Variants in ZNF236 observed in about 807,000 individuals in gnomAD.
ZNF236 encodes zinc finger protein 236, also known as regulated by glucose.
Under a neutral mutation model 191.2 loss-of-function variants are expected in ZNF236, and 50 were observed. That is an observed-to-expected ratio of 0.26 (90% CI 0.21 to 0.33). ZNF236 has a LOEUF of 0.33. Ranked by LOEUF, ZNF236 falls within the 10% of genes least tolerant of loss-of-function variation. The probability of loss-of-function intolerance (pLI) is 1.00; values close to 1 mark genes in which losing one functional copy is unlikely to be tolerated. For missense variants in ZNF236, 1,754 were observed against 2,374.5 expected, an observed-to-expected ratio of 0.74 and a Z score of 5.43; for synonymous variants, 907 against 928.8, an observed-to-expected ratio of 0.98 and a Z score of 0.43.
chr18:76,926,323 T>C (rs1967675789), intron 22 of ZNF236, among the ~76,000 whole-genome samples: 1 of 152,148 alleles, frequency 6.6e-6, no homozygotes, highest in South Asian at 2.1e-4. Flanking sequence ...GTGTATATGG[T>C]ATAAATGAGA....
rs748376766 is a variant in ZNF236 at position 76,880,113 on chromosome 18, G to C, written c.985G>C (p.Ala329Pro). The change falls in exon 8 of 31, where the codon GCC becomes CCC. Residue 329 changes from alanine (A) to proline (P), a missense_variant and splice_region_variant. Physicochemically the swap from Ala to Pro is conservative, Grantham distance 27 (BLOSUM62 -1). Coordinates refer to ENST00000320610, the MANE Select transcript of ZNF236 (RefSeq NM_001306089.2). The surrounding 1 kb of genome is among the most constrained non-coding windows in gnomAD (Gnocchi z 5.0). Reference sequence around the variant, plus strand: ...TAATGAAAATGTTTCTGTGTTTCAGGCCACACTTTTTCAGACGTTACCTCT... The same window carrying C: ...TAATGAAAATGTTTCTGTGTTTCAGCCCACACTTTTTCAGACGTTACCTCT... The part of the protein sequence containing the change: ...SSTETAHVLT[A>P]TLFQTLPLQQ... 6.2e-7 allele frequency: 1 copy of C among 1,607,056 alleles called. No individual in the cohort carries two copies. The highest frequency in any genetic ancestry group is 1.3e-5 in the African/African-American group (1 of 74,406).
intron 1 of ZNF236, chr18:76,849,214 G>A (rs538936996): frequency 7.5e-5 from 18 of 240,542 alleles, no homozygotes; most frequent in South Asian, 6.6e-4. Context: ...GGTTTAAGAA[G>A]CATCATTATG....
chr18:76,853,370 C>T (rs1160878117), intron 3 of ZNF236, among the ~76,000 whole-genome samples: 5 of 152,164 alleles, frequency 3.3e-5, no homozygotes, highest in African/African-American at 9.6e-5. Flanking sequence ...TGAGCCACCG[C>T]GCCTGGCCTG....
intron 10 of ZNF236, among the ~76,000 whole-genome samples, chr18:76,896,438 C>G (rs1372061688): frequency 1.3e-5 from 2 of 150,446 alleles, no homozygotes; most frequent in African/African-American, 4.9e-5. Context: ...AAACACAATA[C>G]TAAATACAGG....
At chr18:76,956,308 A>G in intron 28 of ZNF236, 126 bp downstream of exon 28, 1 of 1,088,212 alleles carries the variant, frequency 9.2e-7, no homozygotes, top group Non-Finnish European at 1.3e-6. Flanking sequence ...TTTGAGGAAA[A>G]GGTCACTAGA....
intron 1 of ZNF236, among the ~76,000 whole-genome samples, chr18:76,847,767 C>CAA (rs1975739359): frequency 6.6e-6 from 1 of 152,202 alleles, no homozygotes; most frequent in Non-Finnish European, 1.5e-5. Context: ...TGAGCCCCTC[C>CAA]GCCCGGCCCC....
rs185558288 is a variant in ZNF236, at chr18:76,829,655, A to C, written c.55+6993A>C. Reference sequence around the variant, plus strand: ...TTATGATTGCTAAGAGAAGCCAGAAATGTGTATATTTATTTGAAACCTCTT... The same window carrying C: ...TTATGATTGCTAAGAGAAGCCAGAACTGTGTATATTTATTTGAAACCTCTT... On this transcript the variant is annotated intron_variant, in intron 1 of 30. Coordinates refer to ENST00000320610, the MANE Select transcript of ZNF236 (RefSeq NM_001306089.2). Among the ~76,000 whole-genome samples, 3 of 152,238 alleles carry C rather than the reference A, an allele frequency of 2.0e-5. No homozygotes were observed. In the East Asian group the frequency reaches 5.8e-4, roughly 29 times the overall value.
rs9807284 is a variant in ZNF236, at chr18:76,910,591, C to A, written c.2654-69C>A. The A allele has an allele frequency of 9.9e-3, 14,662 of 1,478,788 alleles. 541 individuals are homozygous for A. The African/African-American group carries it at 0.12, about 12-fold the overall frequency. 91.6% of individuals were successfully genotyped at this position (1,478,788 alleles called of 1,614,324 possible). A position where few individuals can be genotyped will look rare whatever the true frequency, so the allele number is the denominator to read the frequency against. ...CCTTTAGACATTTTAAATTTATAAA[C>A]CTTTTCTTAGAACATTTTAATGTAA... On this transcript the variant is annotated intron_variant, in intron 15 of 30. Transcript: ENST00000320610.
rs145841121 is a variant in ZNF236, at chr18:76,862,646, G to A, written c.364-6039G>A. Among the ~76,000 whole-genome samples, 766 of 152,244 alleles carry A rather than the reference G, an allele frequency of 5.0e-3. 2 individuals are homozygous for A. Among genetic ancestry groups the A allele is most frequent in the Middle Eastern group, 0.027 (8 of 294 alleles). On this transcript the variant is annotated intron_variant, in intron 3 of 30. Coordinates refer to ENST00000320610, the MANE Select transcript of ZNF236 (RefSeq NM_001306089.2). ...GTCAGTGGGTCCACTAGGGAGTTGGGCCTCCCTCCCCATCAGTGATGAGAC... is the reference window on the plus strand; with the variant it reads ...GTCAGTGGGTCCACTAGGGAGTTGGACCTCCCTCCCCATCAGTGATGAGAC...
chr18:76,826,225 C>T (rs1975014835), intron 1 of ZNF236, among the ~76,000 whole-genome samples: 1 of 151,786 alleles, frequency 6.6e-6, no homozygotes, highest in African/African-American at 2.4e-5. Context: ...AATTCTCCTG[C>T]CTCAGCCTCC....
At chr18:76,909,035 A>T (rs1469884739) in intron 14 of ZNF236, among the ~76,000 whole-genome samples, 9 of 151,306 alleles carry the variant, frequency 5.9e-5, no homozygotes, top group Non-Finnish European at 2.9e-5. Context: ...TATACAAATA[A>T]GGCTGGGTGT....
At chr18:76,835,932 A>C (rs1975311978) in intron 1 of ZNF236, among the ~76,000 whole-genome samples, 1 of 151,494 alleles carries the variant, frequency 6.6e-6, no homozygotes, top group South Asian at 2.1e-4. Flanking sequence ...TTTTGAGATT[A>C]AGTCTTGCTC....
chr18:76,825,350 TA>T (rs1232288823), intron 1 of ZNF236, among the ~76,000 whole-genome samples: 3 of 152,204 alleles, frequency 2.0e-5, no homozygotes, highest in African/African-American at 7.2e-5. Context: ...GTAAATATCA[TA>T]GACTAAGACT....
chr18:76,919,833 G>C lies in ZNF236; in HGVS notation c.3332G>C (p.Arg1111Pro). ...GACAGAAATGCATCACGGAAGTCTC[G>C]TCCTGAGGTCATCACTTTCACGGAG... ...HSDRNASRKS[R>P]PEVITFTEEE... is the part of the protein sequence containing the mutation. The change falls in exon 20 of 31, where the codon CGT (arginine) becomes CCT (proline). Residue 1111 changes from arginine to proline, a missense_variant. Coordinates refer to ENST00000320610, the MANE Select transcript of ZNF236 (RefSeq NM_001306089.2). This position sits in a 1 kb window ranked among gnomAD's most constrained non-coding sequence, Gnocchi z 5.3. The C allele has an allele frequency of 6.2e-7, 1 of 1,614,206 alleles. No homozygotes were observed. The highest frequency in any genetic ancestry group is 8.5e-7 in the Non-Finnish European group (1 of 1,180,036).
At position 76,927,065 on chromosome 18, in the gene ZNF236, A is replaced by G. The variant is rs759038075; in HGVS notation, c.4056A>G (p.Thr1352=). The G allele has an allele frequency of 2.2e-5, 36 of 1,613,692 alleles. No individual in the cohort carries two copies. Among genetic ancestry groups the G allele is most frequent in the Non-Finnish European group, 2.8e-5 (33 of 1,179,654 alleles). ...GGGGTGACCTGACCGTGTCTCTGACAGATGGGAGCCTGGCTACCCTAGAAG... is the reference window on the plus strand; with the variant it reads ...GGGGTGACCTGACCGTGTCTCTGACGGATGGGAGCCTGGCTACCCTAGAAG... The part of the protein sequence containing the change: ...SAGGDLTVSL[T]DGSLATLEGI... The change falls in exon 23 of 31, where the codon ACA becomes ACG. Residue 1352 remains threonine, a synonymous_variant. Transcript: ENST00000320610. The surrounding 1 kb of genome is among the most constrained non-coding windows in gnomAD (Gnocchi z 5.4).
At chr18:76,888,059 A>G (rs1271274930) in intron 9 of ZNF236, 12 of 73,292 alleles carry the variant, frequency 1.6e-4, no homozygotes, top group East Asian at 5.8e-4. Flanking sequence ...GAGTGTTCAG[A>G]AAAAAAAAAA....
At chr18:76,896,311 G>A (rs1007929568) in intron 10 of ZNF236, among the ~76,000 whole-genome samples, 3 of 150,656 alleles carry the variant, frequency 2.0e-5, no homozygotes, top group Non-Finnish European at 4.4e-5. Context: ...CTGCCGTGCT[G>A]CACACACACA....
chr18:76,869,161 C>G (rs898819238), intron 4 of ZNF236, among the ~76,000 whole-genome samples: 3 of 152,206 alleles, frequency 2.0e-5, no homozygotes, highest in African/African-American at 7.2e-5. Context: ...ACTAGACTCA[C>G]AAGGGTTTAA....
At chr18:76,851,007 T>C (rs1975846737) in intron 2 of ZNF236, among the ~76,000 whole-genome samples, 1 of 150,290 alleles carries the variant, frequency 6.7e-6, no homozygotes, top group African/African-American at 2.4e-5. Flanking sequence ...TCCAATGAAT[T>C]TATACGCAGC....
Sources: gnomAD v4.1 joint callset for allele counts (sites outside exome capture counted in the v4.1 genomes callset) on GRCh38, gnomAD v4.1.1 for gene constraint, Gnocchi (gnomAD v3.1) non-coding constraint, MANE v1.5 for transcripts, NCBI Gene and HGNC (gene_info 2026-07-23, HGNC 2026-07-21) for gene names.